Variants in BTF3L4 observed in about 807,000 individuals in gnomAD.
BTF3L4 encodes the protein basic transcription factor 3 like 4, also known as transcription factor BTF3 homolog 4.
In BTF3L4, 6 loss-of-function variants were observed where a neutral mutation model predicts 16.8. The observed-to-expected ratio is 0.36, with a 90% CI of 0.20 to 0.71. The LOEUF is 0.71. Ranked by LOEUF, BTF3L4 falls within the 30% of genes least tolerant of loss-of-function variation. The probability of loss-of-function intolerance (pLI) is 0.58; values close to 1 mark genes in which losing one functional copy is unlikely to be tolerated. For missense variants in BTF3L4, 92 were observed against 186.9 expected, an observed-to-expected ratio of 0.49 and a Z score of 2.96; for synonymous variants, 39 against 59.8, an observed-to-expected ratio of 0.65 and a Z score of 1.60.
chr1:52,065,239 C>T (rs1488334351), intron 3 of BTF3L4: 2 of 168,368 alleles, frequency 1.2e-5, no homozygotes, highest in Non-Finnish European at 2.5e-5. Context: ...TAGAAATAAA[C>T]CCCAACATTT....
chr1:52,081,103 G>A (rs896926940), intron 3 of BTF3L4, among the ~76,000 whole-genome samples: 9 of 151,986 alleles, frequency 5.9e-5, no homozygotes, highest in Non-Finnish European at 1.3e-4. Flanking sequence ...CTCCCAAAGT[G>A]TTGGGATTAC....
chr1:52,057,103 C>G (rs919325781), intron 1 of BTF3L4, among the ~76,000 whole-genome samples: 1 of 152,184 alleles, frequency 6.6e-6, no homozygotes. Flanking sequence ...GGTGTTATAC[C>G]TTTCCAAATG....
chr1:52,074,451 C>T (rs1464456294), intron 3 of BTF3L4, among the ~76,000 whole-genome samples: 4 of 151,856 alleles, frequency 2.6e-5, no homozygotes, highest in African/African-American at 9.7e-5. Context: ...ACAACCTTGG[C>T]CTCCCAGGTT....
intron 3 of BTF3L4, chr1:52,071,469 C>A (rs1460631037): frequency 6.6e-6 from 1 of 152,106 alleles, no homozygotes; most frequent in East Asian, 1.9e-4. Flanking sequence ...TATAAAGAGT[C>A]TTGACGGCTG....
At chr1:52,072,665 G>A (rs529568818) in intron 3 of BTF3L4, among the ~76,000 whole-genome samples, 3 of 152,140 alleles carry the variant, frequency 2.0e-5, no homozygotes, top group South Asian at 2.1e-4. Context: ...AGAACTTCAC[G>A]GATTTATAGC....
chr1:52,058,938 G>A (rs1213427050), intron 1 of BTF3L4, among the ~76,000 whole-genome samples: 1 of 152,128 alleles, frequency 6.6e-6, no homozygotes, highest in Non-Finnish European at 1.5e-5. Context: ...TGTGGAATGT[G>A]ATGACCCATT....
chr1:52,060,558 C>T, intron 2 of BTF3L4: 1 of 1,211,504 alleles, frequency 8.3e-7, no homozygotes. Context: ...TTCTCTTCAG[C>T]TGTGGCACCA....
intron 1 of BTF3L4, among the ~76,000 whole-genome samples, chr1:52,058,079 T>C (rs1242719988): frequency 6.6e-6 from 1 of 152,186 alleles, no homozygotes; most frequent in Admixed American, 6.5e-5. Context: ...TTCACTACAC[T>C]CTCATGGCCA....
chr1:52,069,429 T>G (rs904712001), intron 3 of BTF3L4, among the ~76,000 whole-genome samples: 1 of 152,126 alleles, frequency 6.6e-6, no homozygotes, highest in Admixed American at 6.6e-5. Context: ...AGCTATTGCA[T>G]TAAATGTATA....
rs1643991661 is a variant in BTF3L4, at chr1:52,088,515, T to C, written c.*1757T>C. The C allele has an allele frequency of 6.6e-6, 1 of 152,544 alleles. No homozygotes were observed. The highest frequency in any genetic ancestry group is 1.5e-5 in the Non-Finnish European group (1 of 68,012). The allele number at this position is 152,544 out of a possible 1,614,324, so 9.4% of individuals were successfully genotyped here. ...TTGTTTGAAATAATGCCTCATCCAG[T>C]GTTAGGTCAGTAGCTCCACAGTCTA... On this transcript the variant is annotated 3_prime_UTR_variant, in exon 6 of 6. Coordinates refer to ENST00000313334, the MANE Select transcript of BTF3L4 (RefSeq NM_152265.5).
chr1:52,086,052 T>C, intron 4 of BTF3L4, 60 bp from the exon 5 acceptor site: 1 of 1,185,848 alleles, frequency 8.4e-7, no homozygotes, highest in East Asian at 2.5e-5. Flanking sequence ...GGATAAACAT[T>C]ATAAGTTTTC....
chr1:52,089,897 G>A lies in BTF3L4; in HGVS notation c.*3139G>A, dbSNP rs1644004283. ...AAATTCACTTTAATAAGCCTATGAA[G>A]TTCTTATGAAAAACCCATATCTGCG... On this transcript the variant is annotated 3_prime_UTR_variant, in exon 6 of 6. Coordinates refer to ENST00000313334, the MANE Select transcript of BTF3L4 (RefSeq NM_152265.5). The A allele has an allele frequency of 6.6e-6, 1 of 152,084 alleles. No individual in the cohort carries two copies. The highest frequency in any genetic ancestry group is 2.1e-4 in the South Asian group (1 of 4,830). 9.4% of individuals were successfully genotyped at this position (152,084 alleles called of 1,614,324 possible).
At chr1:52,077,974 T>C (rs1686972596) in intron 3 of BTF3L4, among the ~76,000 whole-genome samples, 1 of 152,196 alleles carries the variant, frequency 6.6e-6, no homozygotes, top group Non-Finnish European at 1.5e-5. Context: ...CAGGAGATTC[T>C]GGGCATCTTC....
chr1:52,075,773 C>A (rs1289631029), intron 3 of BTF3L4, among the ~76,000 whole-genome samples: 1 of 151,920 alleles, frequency 6.6e-6, no homozygotes, highest in Non-Finnish European at 1.5e-5. Flanking sequence ...AAGTGATTAT[C>A]CTGCCTCAGC....
chr1:52,084,191 G>C (rs1170680543), intron 4 of BTF3L4, among the ~76,000 whole-genome samples: 3 of 152,096 alleles, frequency 2.0e-5, no homozygotes, highest in Non-Finnish European at 4.4e-5. Flanking sequence ...CCAGGCTGAA[G>C]TGCAGTGGTG....
At position 52,089,784 on chromosome 1, in the gene BTF3L4, C is replaced by T. The variant is rs1644003350; in HGVS notation, c.*3026C>T. The T allele has an allele frequency of 6.6e-6, 1 of 152,028 alleles. No homozygotes were observed. The allele number at this position is 152,028 out of a possible 1,614,324, so 9.4% of individuals were successfully genotyped here. A position where few individuals can be genotyped will look rare whatever the true frequency, so the allele number is the denominator to read the frequency against. On this transcript the variant is annotated 3_prime_UTR_variant, in exon 6 of 6. Transcript: ENST00000313334. Reference sequence around the variant, plus strand: ...TGGTTGGGCTCTTATATCTGTTTTACCCTTATTTTTCCCATTAAGTAATGG... The same window carrying T: ...TGGTTGGGCTCTTATATCTGTTTTATCCTTATTTTTCCCATTAAGTAATGG...
At chr1:52,082,489 C>T (rs888407303) in intron 3 of BTF3L4, among the ~76,000 whole-genome samples, 42 of 152,118 alleles carry the variant, frequency 2.8e-4, no homozygotes, top group African/African-American at 9.7e-4. Context: ...AATCCTAGCA[C>T]CATGAGAGGC....
rs895888497 is a variant in BTF3L4 at position 52,090,103 on chromosome 1, G to T, written c.*3345G>T. The T allele has an allele frequency of 4.6e-5, 7 of 152,148 alleles. No individual in the cohort carries two copies. Among genetic ancestry groups the T allele is most frequent in the African/African-American group, 1.4e-4 (6 of 41,416 alleles). 9.4% of individuals were successfully genotyped at this position (152,148 alleles called of 1,614,324 possible). A position where few individuals can be genotyped will look rare whatever the true frequency, so the allele number is the denominator to read the frequency against. ...TAACCTTTCTGACAGGGCTGCTGCG[G>T]TGCACAACTTCGGGAGCCATCACTT... On this transcript the variant is annotated 3_prime_UTR_variant, in exon 6 of 6. Transcript: ENST00000313334.
At position 52,068,306 on chromosome 1, in the gene BTF3L4, C is replaced by T. The variant is rs376866327; in HGVS notation, c.168+3368C>T. On this transcript the variant is annotated intron_variant, in intron 3 of 5. Coordinates refer to ENST00000313334, the MANE Select transcript of BTF3L4 (RefSeq NM_152265.5). Reference sequence around the variant, plus strand: ...ATAGTCAACGTTTATTAAACATCTGCGTGCTAAGCATTTTGCCAAGGACTT... The same window carrying T: ...ATAGTCAACGTTTATTAAACATCTGTGTGCTAAGCATTTTGCCAAGGACTT... Among the ~76,000 whole-genome samples, 6 of 152,142 alleles carry T rather than the reference C, an allele frequency of 3.9e-5. No individual in the cohort carries two copies. In the East Asian group the frequency reaches 7.7e-4, roughly 20 times the overall value.
Sources: allele counts gnomAD v4.1 joint callset (sites outside exome capture counted in the v4.1 genomes callset), GRCh38; gene constraint gnomAD v4.1.1; transcripts MANE v1.5; gene names NCBI Gene and HGNC (gene_info 2026-07-23, HGNC 2026-07-21).